The following MGA variants were observed in gnomAD, a reference collection of about 807,000 sequenced individuals.
The protein encoded by MGA is MAX gene-associated protein.
Under a neutral mutation model 261.1 loss-of-function variants are expected in MGA, and 40 were observed. That is an observed-to-expected ratio of 0.15 (90% confidence interval 0.12 to 0.20). The LOEUF (loss-of-function observed/expected upper bound fraction) is 0.20, where lower values mean the gene tolerates loss of function less well. Ranked by LOEUF, MGA falls within the 10% of genes least tolerant of loss-of-function variation. The pLI is 1.00. For missense variants in MGA, 3,397 were observed against 3,630.5 expected, an observed-to-expected ratio of 0.94 and a Z score of 1.65; for synonymous variants, 1,302 against 1,290.6, an observed-to-expected ratio of 1.01 and a Z score of -0.19.
intron 2 of MGA, among the ~76,000 whole-genome samples, chr15:41,689,349 CTCCTTCCTCCCT>C (rs1043849722): frequency 2.0e-5 from 3 of 150,078 alleles, no homozygotes; most frequent in African/African-American, 4.9e-5. Context: ...CTTCTCCCTC[CTCCTTCCTCCCT>C]TCCTTTCTCC....
Position 41,669,228 on chromosome 15 carries a change from A to G in MGA, c.334A>G (p.Ile112Val), listed in dbSNP as rs1280546081. The change falls in exon 2 of 24, where the codon ATA (isoleucine) becomes GTA (valine). Residue 112 changes from isoleucine to valine, a missense_variant. This residue lies in a region of MGA where 104 missense variants were observed against 212.9 expected (regional missense o/e 0.49). Coordinates refer to ENST00000219905, the MANE Select transcript of MGA (RefSeq NM_001164273.2). Reference sequence around the variant, plus strand: ...CATGTTTCCTTACTGTCGTTATTGGATAACAGGTTTAGATTCAAATTTGAA... The same window carrying G: ...CATGTTTCCTTACTGTCGTTATTGGGTAACAGGTTTAGATTCAAATTTGAA... 1.2e-6 allele frequency: 2 copies of G among 1,614,012 alleles called. No homozygotes were observed. The highest frequency in any genetic ancestry group is 1.3e-5 in the African/African-American group (1 of 75,058).
In MGA at chr15:41,749,948, T is replaced by G; in HGVS notation, c.6341T>G (p.Val2114Gly). Residue 2114 changes from valine (V) to glycine (G), a missense_variant, in exon 17 of 24, where the codon GTG becomes GGG. By Grantham distance (109) the Val-to-Gly change is moderately radical. Transcript: ENST00000219905. ...CATCAAAAACTTGGTGATGTGAAGG[T>G]GGAACAGCAGAAAGGATTTGACAAT... 1 of 1,613,558 alleles carries G rather than the reference T, an allele frequency of 6.2e-7. No homozygotes were observed. The highest frequency in any genetic ancestry group is 1.1e-5 in the South Asian group (1 of 91,032).
In MGA at chr15:41,756,447, C is replaced by T. The variant is rs187764762; in HGVS notation, c.7140-1341C>T. 7.2e-5 allele frequency among the ~76,000 whole-genome samples: 11 copies of T among 152,260 alleles called. No homozygotes were observed. The East Asian group carries it at 7.7e-4, about 11-fold the overall frequency. ...ATCTAGGTGTGGAGCAATGGGAACT[C>T]GCATACTGCAAGTGGGAGTGTACAT... On this transcript the variant is annotated intron_variant, in intron 18 of 23. Coordinates refer to ENST00000219905, the MANE Select transcript of MGA (RefSeq NM_001164273.2).
chr15:41,692,607 C>G (rs2059342693), intron 2 of MGA, among the ~76,000 whole-genome samples: 1 of 152,160 alleles, frequency 6.6e-6, no homozygotes, highest in South Asian at 2.1e-4. Flanking sequence ...TCTTCAGTAT[C>G]TTGTAAGAAA....
Position 41,713,464 on chromosome 15 carries a change from A to G in MGA, c.3398A>G (p.Lys1133Arg). Residue 1133 changes from lysine (K) to arginine (R), a missense_variant, in exon 9 of 24, where the codon AAA becomes AGA. By Grantham distance (26) the Lys-to-Arg change is conservative (BLOSUM62 2). Transcript: ENST00000219905. Reference sequence around the variant, plus strand: ...ATCAGGGAGGAGGAGGAACAATTGAAAGAGAAAAAGAAGAGAAAGAAGCTA... The same window carrying G: ...ATCAGGGAGGAGGAGGAACAATTGAGAGAGAAAAAGAAGAGAAAGAAGCTA... 1 of 1,551,530 alleles carries G rather than the reference A, an allele frequency of 6.4e-7. No individual in the cohort carries two copies. The highest frequency in any genetic ancestry group is 8.7e-7 in the Non-Finnish European group (1 of 1,147,650).
At chr15:41,690,693 A>T (rs1024880873) in intron 2 of MGA, among the ~76,000 whole-genome samples, 2 of 152,138 alleles carry the variant, frequency 1.3e-5, no homozygotes, top group African/African-American at 4.8e-5. Context: ...TGTCTCTACT[A>T]AAGAGAACCT....
chr15:41,696,172 G>C lies in MGA; in HGVS notation c.1162G>C (p.Asp388His), dbSNP rs1199930243. The C allele has an allele frequency of 1.2e-6, 2 of 1,613,920 alleles. No homozygotes were observed. Among genetic ancestry groups the C allele is most frequent in the Admixed American group, 1.7e-5 (1 of 60,026 alleles). ...TGTTATTAAAGAGGAACCTCTAGAT[G>C]ATTATGACTACGAACTTGGTGAGTG... is the stretch of plus-strand genomic sequence containing the variant. The change falls in exon 3 of 24, where the codon GAT (aspartate) becomes CAT (histidine). Residue 388 changes from aspartate (D) to histidine (H), a missense_variant. By Grantham distance (81) the Asp-to-His change is moderately conservative. Transcript: ENST00000219905.
chr15:41,663,925 A>G (rs970939367), intron 1 of MGA, among the ~76,000 whole-genome samples: 4 of 152,204 alleles, frequency 2.6e-5, no homozygotes, highest in African/African-American at 9.7e-5. Context: ...TTAGAAAAAA[A>G]AGAAAATTCA....
chr15:41,690,408 G>A (rs551155491), intron 2 of MGA, among the ~76,000 whole-genome samples: 25 of 152,216 alleles, frequency 1.6e-4, no homozygotes, highest in African/African-American at 5.3e-4. Flanking sequence ...AAGTCTTTGC[G>A]TGAACACAGT....
chr15:41,689,100 T>C (rs1197531582), intron 2 of MGA, among the ~76,000 whole-genome samples: 3 of 152,334 alleles, frequency 2.0e-5, no homozygotes, highest in Middle Eastern at 3.4e-3. Flanking sequence ...AGCAGTGTTA[T>C]ATGGATTACA....
At chr15:41,719,646 G>T (rs1043200916) in intron 9 of MGA, among the ~76,000 whole-genome samples, 5 of 152,124 alleles carry the variant, frequency 3.3e-5, no homozygotes, top group African/African-American at 1.2e-4. Flanking sequence ...GGGGGCTGAG[G>T]TGGGAGGATC....
At chr15:41,722,239 C>G (rs1240403480) in intron 9 of MGA, among the ~76,000 whole-genome samples, 3 of 150,608 alleles carry the variant, frequency 2.0e-5, no homozygotes, top group African/African-American at 7.3e-5. Flanking sequence ...ACACCATTCT[C>G]CTGCCTCAGC....
chr15:41,731,200 A>G (rs1378067179), intron 11 of MGA, among the ~76,000 whole-genome samples: 1 of 152,194 alleles, frequency 6.6e-6, no homozygotes, highest in Non-Finnish European at 1.5e-5. Context: ...AGTATTTAAA[A>G]TCATTAACAT....
intron 17 of MGA, among the ~76,000 whole-genome samples, chr15:41,753,934 T>TTTATTTAA (rs2062994537): frequency 6.6e-6 from 1 of 152,182 alleles, no homozygotes; most frequent in Non-Finnish European, 1.5e-5. Flanking sequence ...ATTTAATTTG[T>TTTATTTAA]TTTGAGACAG....
chr15:41,714,287 A>G (rs2060520814), intron 9 of MGA, among the ~76,000 whole-genome samples: 1 of 152,106 alleles, frequency 6.6e-6, no homozygotes, highest in South Asian at 2.1e-4. Context: ...TGTAGATCTA[A>G]TTTTATAATG....
At chr15:41,722,168 C>T (rs1333643890) in intron 9 of MGA, among the ~76,000 whole-genome samples, 2 of 145,062 alleles carry the variant, frequency 1.4e-5, no homozygotes, top group South Asian at 2.2e-4. Flanking sequence ...CTTGCTCTCT[C>T]GCCCAGGCTG....
intron 2 of MGA, among the ~76,000 whole-genome samples, chr15:41,682,084 A>G (rs2058712290): frequency 6.6e-6 from 1 of 151,742 alleles, no homozygotes; most frequent in African/African-American, 2.4e-5. Context: ...TGCCCGGCTA[A>G]TTTTGTATTT....
At chr15:41,746,666 T>G (rs1461808430) in intron 15 of MGA, among the ~76,000 whole-genome samples, 1 of 152,128 alleles carries the variant, frequency 6.6e-6, no homozygotes, top group Non-Finnish European at 1.5e-5. Context: ...TTGGATTTTC[T>G]ATATAATTTT....
At chr15:41,675,491 A>T (rs2058325139) in intron 2 of MGA, among the ~76,000 whole-genome samples, 1 of 151,674 alleles carries the variant, frequency 6.6e-6, no homozygotes, top group Non-Finnish European at 1.5e-5. Context: ...CTGCTGTCTC[A>T]GCCTCCCTAG....
Sources: allele counts gnomAD v4.1 joint callset (sites outside exome capture counted in the v4.1 genomes callset), GRCh38; gene constraint gnomAD v4.1.1; regional missense constraint gnomAD v4.1.1; transcripts MANE v1.5; gene names NCBI Gene and HGNC (gene_info 2026-07-23, HGNC 2026-07-21).